Variants in CDIN1 observed in about 807,000 individuals in gnomAD.
CDIN1 encodes the protein CDAN1 interacting nuclease 1.
CDIN1 carries 33 observed loss-of-function variants against 45.3 expected under a neutral mutation model. The observed-to-expected ratio is 0.73, with a 90% CI of 0.55 to 0.97. The LOEUF (loss-of-function observed/expected upper bound fraction) is 0.97. CDIN1 is among the 50% of genes least tolerant of loss of function. The probability of loss-of-function intolerance (pLI) is 0.00; values close to 1 mark genes in which losing one functional copy is unlikely to be tolerated. For synonymous variants in CDIN1, 118 were observed against 124.4 expected (o/e 0.95, Z 0.34); for missense variants, 303 against 339.4 (o/e 0.89, Z 0.84).
chr15:36,668,931 C>G (rs1287917251), intron 5 of CDIN1: 2 of 152,086 alleles, frequency 1.3e-5, no homozygotes, highest in African/African-American at 4.8e-5. Context: ...CTCAAAGAAT[C>G]ATGATTTTTA....
chr15:36,719,166 G>A (rs1226212565), intron 10 of CDIN1, among the ~76,000 whole-genome samples: 2 of 152,034 alleles, frequency 1.3e-5, no homozygotes, highest in Admixed American at 6.6e-5. Context: ...AGGCTGCAGT[G>A]AGCCATGATC....
Position 36,808,651 on chromosome 15 carries a change from C to A in CDIN1, c.*198C>A. ...TTCATCCCTTGCTGATGTGAACAGC[C>A]AAGAACTACAGACACAACCCACTCA... On this transcript the variant is annotated 3_prime_UTR_variant, in exon 11 of 11. Coordinates refer to ENST00000566621, the MANE Select transcript of CDIN1 (RefSeq NM_001321759.2). The A allele has an allele frequency of 6.0e-6, 4 of 664,876 alleles. No homozygotes were observed. The highest frequency in any genetic ancestry group is 1.0e-5 in the Non-Finnish European group (4 of 398,978). 41.2% of individuals were successfully genotyped at this position (664,876 alleles called of 1,614,324 possible).
rs987005996 is a variant in CDIN1 at position 36,803,413 on chromosome 15, A to AT, written c.717-4910dup. Among the ~76,000 whole-genome samples the AT allele has an allele frequency of 1.3e-4, 20 of 152,074 alleles. No individual in the cohort carries two copies. The South Asian group carries it at 1.9e-3, about 14-fold the overall frequency. ...TATCTGAAGGGGGCAGCTGTTACTT[A>AT]TCTTCAGTTGCTTGTTGCCAGATTG... On this transcript the variant is annotated intron_variant, in intron 10 of 10. Transcript: ENST00000566621.
In CDIN1 at chr15:36,654,313, G is replaced by A. The variant is rs138529528; in HGVS notation, c.273+155G>A. On this transcript the variant is annotated intron_variant, in intron 4 of 10. Transcript: ENST00000566621. ...GCTCCCTGATCTCTTTGTACTTTTA[G>A]TAATTGGACAAAGAACTTCACATAT... Among the ~76,000 whole-genome samples the A allele has an allele frequency of 4.8e-4, 73 of 152,228 alleles. 2 individuals carry two copies. In the East Asian group the frequency reaches 0.012, roughly 26 times the overall value.
rs1050913276 is a variant in CDIN1 at position 36,809,287 on chromosome 15, C to T, written c.*834C>T. ...AAACATGGCTAGTTGTCAGTATGTA[C>T]GTGAGCTAGTATTTTTATGAGTCGA... On this transcript the variant is annotated 3_prime_UTR_variant, in exon 11 of 11. Coordinates refer to ENST00000566621, the MANE Select transcript of CDIN1 (RefSeq NM_001321759.2). 4 of 209,548 alleles carry T rather than the reference C, an allele frequency of 1.9e-5. No individual in the cohort carries two copies. The highest frequency in any genetic ancestry group is 4.7e-5 in the African/African-American group (2 of 42,792). The allele number at this position is 209,548 out of a possible 1,614,324, so 13.0% of individuals were successfully genotyped here.
chr15:36,784,185 G>A (rs2141063253), intron 10 of CDIN1, among the ~76,000 whole-genome samples: 1 of 152,130 alleles, frequency 6.6e-6, no homozygotes, highest in East Asian at 1.9e-4. Context: ...TTATAACACT[G>A]TTATTAAAAA....
At chr15:36,589,631 G>T (rs954451394) in intron 1 of CDIN1, among the ~76,000 whole-genome samples, 1 of 151,822 alleles carries the variant, frequency 6.6e-6, no homozygotes, top group Non-Finnish European at 1.5e-5. Context: ...TCAGCCTCCC[G>T]AGTAGCTGGG....
intron 10 of CDIN1, among the ~76,000 whole-genome samples, chr15:36,722,341 G>T (rs1380550376): frequency 1.2e-5 from 1 of 85,928 alleles, no homozygotes; most frequent in African/African-American, 6.3e-5. Flanking sequence ...CTCTCTCTCA[G>T]ACATCCATAT....
At chr15:36,800,909 G>GTATATATATATATATATATATA (rs370036091) in intron 10 of CDIN1, among the ~76,000 whole-genome samples, 5 of 22,390 alleles carry the variant, frequency 2.2e-4, no homozygotes, top group South Asian at 4.3e-3. Context: ...GTGTGTGTGT[G>GTATATATATATATATATATATA]TATATATATA....
chr15:36,750,834 A>G (rs1029046618), intron 10 of CDIN1, among the ~76,000 whole-genome samples: 1 of 152,170 alleles, frequency 6.6e-6, no homozygotes, highest in African/African-American at 2.4e-5. Context: ...AAAGGGAGAC[A>G]AAGACCTACA....
chr15:36,753,136 G>T (rs116967073), intron 10 of CDIN1, among the ~76,000 whole-genome samples: 1 of 152,020 alleles, frequency 6.6e-6, no homozygotes, highest in Non-Finnish European at 1.5e-5. Context: ...GCACCACTGC[G>T]GCAACTGTGA....
intron 1 of CDIN1, among the ~76,000 whole-genome samples, chr15:36,594,556 C>T (rs144440141): frequency 0.022 from 3,289 of 152,188 alleles, 109 homozygotes; most frequent in African/African-American, 0.075. Context: ...CAATAAATTG[C>T]TGAATATACT....
At chr15:36,598,100 T>C (rs1011276193) in intron 1 of CDIN1, among the ~76,000 whole-genome samples, 4 of 152,090 alleles carry the variant, frequency 2.6e-5, no homozygotes, top group Non-Finnish European at 5.9e-5. Flanking sequence ...AGGTGATCCT[T>C]ACACCTCACG....
intron 1 of CDIN1, among the ~76,000 whole-genome samples, chr15:36,629,511 G>A (rs1190526296): frequency 1.3e-5 from 2 of 152,164 alleles, no homozygotes; most frequent in East Asian, 1.9e-4. Flanking sequence ...CTCGCTCATG[G>A]TAATAATATC....
intron 10 of CDIN1, among the ~76,000 whole-genome samples, chr15:36,740,466 G>A (rs2044194364): frequency 6.8e-6 from 1 of 147,654 alleles, no homozygotes; most frequent in African/African-American, 2.7e-5. Context: ...AGTGGAAACT[G>A]TGGTGATACC....
chr15:36,645,114 T>C (rs2040258018), intron 2 of CDIN1, 109 bp from the exon 3 acceptor site: 3 of 797,722 alleles, frequency 3.8e-6, no homozygotes, highest in Non-Finnish European at 6.3e-6. Context: ...TGTTATTCAG[T>C]GTTCCCTATG....
At position 36,750,365 on chromosome 15, in the gene CDIN1, G is replaced by C. The variant is rs930128325; in HGVS notation, c.716+40404G>C. ...CACCTCCATATACATTATTTCGTTT[G>C]AGCTAACCACTCCTCTAGGAAACTG... On this transcript the variant is annotated intron_variant, in intron 10 of 10. Coordinates refer to ENST00000566621, the MANE Select transcript of CDIN1 (RefSeq NM_001321759.2). 2.6e-5 allele frequency among the ~76,000 whole-genome samples: 4 copies of C among 152,092 alleles called. No individual in the cohort carries two copies. In the East Asian group the frequency reaches 7.7e-4, roughly 29 times the overall value.
At chr15:36,655,558 C>T (rs2040751154) in intron 4 of CDIN1, among the ~76,000 whole-genome samples, 1 of 152,116 alleles carries the variant, frequency 6.6e-6, no homozygotes, top group South Asian at 2.1e-4. Flanking sequence ...ATCTCCTGAC[C>T]TTGTGGTCCA....
chr15:36,621,709 A>T (rs1301425871), intron 1 of CDIN1, among the ~76,000 whole-genome samples: 1 of 152,222 alleles, frequency 6.6e-6, no homozygotes, highest in Non-Finnish European at 1.5e-5. Context: ...GATTTCAGAG[A>T]ATAAACATTC....
Sources: allele counts gnomAD v4.1 joint callset (sites outside exome capture counted in the v4.1 genomes callset), GRCh38; gene constraint gnomAD v4.1.1; transcripts MANE v1.5; gene names NCBI Gene and HGNC (gene_info 2026-07-23, HGNC 2026-07-21).